The following LINGO2 variants were observed in gnomAD, a reference collection of about 807,000 sequenced individuals.
The protein encoded by LINGO2 is leucine rich repeat and Ig domain containing 2.
Under a neutral mutation model 30.6 loss-of-function variants are expected in LINGO2, and 14 were observed. The observed-to-expected ratio is 0.46, with a 90% confidence interval of 0.30 to 0.72. LINGO2 has a LOEUF of 0.72. Ranked by LOEUF, LINGO2 falls within the 30% of genes least tolerant of loss-of-function variation. The pLI is 0.07. For synonymous variants in LINGO2, 317 were observed against 288.5 expected (o/e 1.10, Z -1.00); for missense variants, 729 against 751.7 (o/e 0.97, Z 0.35).
the LINGO2 span, among the ~76,000 whole-genome samples, chr9:28,916,465 C>T: frequency 6.6e-6 from 1 of 151,958 alleles, no homozygotes; most frequent in Non-Finnish European, 1.5e-5. Flanking sequence ...AAACCTTGGT[C>T]TCCAAAACCT....
At chr9:29,099,929 TC>T in the LINGO2 span, among the ~76,000 whole-genome samples, 1 of 152,120 alleles carries the variant, frequency 6.6e-6, no homozygotes, top group Non-Finnish European at 1.5e-5. Flanking sequence ...AAATCTGCAC[TC>T]CCATATTCAT....
chr9:28,040,237 G>T (rs1824136816), intron 4 of LINGO2, among the ~76,000 whole-genome samples: 2 of 152,100 alleles, frequency 1.3e-5, no homozygotes, highest in African/African-American at 2.4e-5. Flanking sequence ...TCCATAGAAT[G>T]CAGTTGCAGC....
the LINGO2 span, among the ~76,000 whole-genome samples, chr9:29,056,829 A>T: frequency 9.9e-5 from 15 of 152,062 alleles, no homozygotes; most frequent in Admixed American, 7.2e-4. Flanking sequence ...TCCCAGCACC[A>T]TTTGTTGAAT....
chr9:28,083,198 A>C (rs576061907), intron 4 of LINGO2, among the ~76,000 whole-genome samples: 1 of 152,316 alleles, frequency 6.6e-6, no homozygotes, highest in East Asian at 1.9e-4. Flanking sequence ...GAGCACAAGG[A>C]CATCCCTGTG....
chr9:28,767,960 A>G, the LINGO2 span, among the ~76,000 whole-genome samples: 1 of 152,128 alleles, frequency 6.6e-6, no homozygotes, highest in Non-Finnish European at 1.5e-5. Context: ...GGCATAAAAT[A>G]TTTAGTTTCC....
At chr9:28,680,873 C>T in the LINGO2 span, among the ~76,000 whole-genome samples, 1 of 151,964 alleles carries the variant, frequency 6.6e-6, no homozygotes, top group Non-Finnish European at 1.5e-5. Context: ...GACATTAAAC[C>T]CTTGTCAGAT....
intron 4 of LINGO2, among the ~76,000 whole-genome samples, chr9:28,104,255 GTTTTTTGTTTGTTTT>G (rs1473974431): frequency 8.0e-5 from 6 of 75,158 alleles, no homozygotes; most frequent in Admixed American, 1.6e-4. Flanking sequence ...CCCAGTACAA[GTTTTTTGTTTGTTTT>G]TTTTTTTTTT....
chr9:28,624,439 T>C (rs1334110007), intron 1 of LINGO2, among the ~76,000 whole-genome samples: 1 of 152,102 alleles, frequency 6.6e-6, no homozygotes, highest in African/African-American at 2.4e-5. Flanking sequence ...ATGCTTTTTG[T>C]CCTTCATTCT....
chr9:28,098,837 T>A (rs1407854098), intron 4 of LINGO2, among the ~76,000 whole-genome samples: 1 of 152,170 alleles, frequency 6.6e-6, no homozygotes, highest in African/African-American at 2.4e-5. Context: ...TTATTTGAGA[T>A]ACAGAATGTT....
In LINGO2 at chr9:28,419,146, C is replaced by T. The variant is rs116396026; in HGVS notation, c.-278-46278G>A. On this transcript the variant is annotated intron_variant, in intron 2 of 5. Transcript: ENST00000379992. ...AGTCTTTTATGTTACTTTTATAGTTCGTGTTGTTTTACTGTCAGATTTAGG... is the reference window on the plus strand; with the variant it reads ...AGTCTTTTATGTTACTTTTATAGTTTGTGTTGTTTTACTGTCAGATTTAGG... Among the ~76,000 whole-genome samples the T allele has an allele frequency of 3.2e-3, 492 of 151,800 alleles. 3 individuals carry two copies. Among genetic ancestry groups the T allele is most frequent in the African/African-American group, 0.011 (468 of 41,428 alleles).
chr9:29,157,888 A>G, the LINGO2 span, among the ~76,000 whole-genome samples: 1 of 152,136 alleles, frequency 6.6e-6, no homozygotes, highest in Non-Finnish European at 1.5e-5. Flanking sequence ...ACTCCCCTAC[A>G]ATAATATACT....
At chr9:28,624,878 C>G (rs1010593560) in intron 1 of LINGO2, among the ~76,000 whole-genome samples, 4 of 151,128 alleles carry the variant, frequency 2.6e-5, no homozygotes, top group Non-Finnish European at 5.9e-5. Flanking sequence ...TTACTGTTCA[C>G]TCTCCTCTCC....
chr9:28,236,659 TG>T (rs888230969), intron 4 of LINGO2, among the ~76,000 whole-genome samples: 63 of 152,202 alleles, frequency 4.1e-4, no homozygotes, highest in African/African-American at 1.4e-3. Context: ...TATTCTCACT[TG>T]TTTGTGAGAT....
intron 1 of LINGO2, among the ~76,000 whole-genome samples, chr9:28,665,688 G>A (rs1828773235): frequency 6.6e-6 from 1 of 152,118 alleles, no homozygotes; most frequent in African/African-American, 2.4e-5. Flanking sequence ...CACTTCTATA[G>A]AGAAAATATA....
chr9:28,298,938 T>G (rs1824030701), intron 3 of LINGO2, among the ~76,000 whole-genome samples: 1 of 152,218 alleles, frequency 6.6e-6, no homozygotes, highest in African/African-American at 2.4e-5. Flanking sequence ...TTTGTTGGCC[T>G]GGCCCTAAGT....
Position 28,032,461 on chromosome 9 carries a change from T to C in LINGO2, c.-86-20056A>G, listed in dbSNP as rs141332941. Reference sequence around the variant, plus strand: ...CACATAACTAACTGCTCATGCCTTATGATTCCAGGCAATCAATGGTGAATC... The same window carrying C: ...CACATAACTAACTGCTCATGCCTTACGATTCCAGGCAATCAATGGTGAATC... On this transcript the variant is annotated intron_variant, in intron 4 of 5. Transcript: ENST00000379992. Among the ~76,000 whole-genome samples, 311 of 152,334 alleles carry C rather than the reference T, an allele frequency of 2.0e-3. 1 individual carries two copies. Among genetic ancestry groups the C allele is most frequent in the African/African-American group, 6.7e-3 (280 of 41,588 alleles).
chr9:28,969,191 TA>T, the LINGO2 span, among the ~76,000 whole-genome samples: 1 of 151,736 alleles, frequency 6.6e-6, no homozygotes, highest in African/African-American at 2.4e-5. Flanking sequence ...GTTAAAAAAA[TA>T]AAAAGAGCAG....
At chr9:29,168,226 A>G in the LINGO2 span, among the ~76,000 whole-genome samples, 3 of 152,072 alleles carry the variant, frequency 2.0e-5, no homozygotes, top group South Asian at 4.1e-4. Context: ...GACTTTTCTT[A>G]CATAAATGTG....
chr9:28,124,142 T>C (rs939078569), intron 4 of LINGO2, among the ~76,000 whole-genome samples: 6 of 152,206 alleles, frequency 3.9e-5, no homozygotes, highest in Admixed American at 6.5e-5. Flanking sequence ...GGTCTATTCA[T>C]TGAAGCATTT....
Sources: gnomAD v4.1 joint callset for allele counts (sites outside exome capture counted in the v4.1 genomes callset) on GRCh38, gnomAD v4.1.1 for gene constraint, MANE v1.5 for transcripts, NCBI Gene and HGNC (gene_info 2026-07-23, HGNC 2026-07-21) for gene names.